Variants in ZIM2 observed in about 807,000 individuals in gnomAD.
The protein encoded by ZIM2 is zinc finger imprinted 2.
A neutral mutation model predicts 38.6 loss-of-function variants in ZIM2; 14 were observed. The ratio of observed to expected loss-of-function variants is 0.36; its 90% CI spans 0.24 to 0.57. The LOEUF (loss-of-function observed/expected upper bound fraction) is 0.57. Among genes scored for constraint, ZIM2 ranks in the 20% least tolerant of loss-of-function variants. The probability of loss-of-function intolerance (pLI) is 0.81; values close to 1 mark genes in which losing one functional copy is unlikely to be tolerated. For synonymous variants in ZIM2, 247 were observed against 245.8 expected, an observed-to-expected ratio of 1.00 and a Z score of -0.04; for missense variants, 680 against 695.1, an observed-to-expected ratio of 0.98 and a Z score of 0.24.
At position 56,814,106 on chromosome 19, in the gene ZIM2, G is replaced by A. The variant is rs1568614466; in HGVS notation, c.490+3640C>T. The A allele has an allele frequency of 6.2e-7, 1 of 1,613,896 alleles. No homozygotes were observed. Among genetic ancestry groups the A allele is most frequent in the Non-Finnish European group, 8.5e-7 (1 of 1,180,004 alleles). ...TCTGGCTCATCAGCATCCCCATTTG[G>A]CTGCTCGGCCTCTCCATTTGGCTGT... On this transcript the variant is annotated intron_variant, in intron 9 of 12. Coordinates refer to ENST00000629319, the MANE Select transcript of ZIM2 (RefSeq NM_001387356.1). The surrounding 1 kb of genome is among the most constrained non-coding windows in gnomAD (Gnocchi z 5.8).
chr19:56,787,496 G>A (rs2046673473), intron 10 of ZIM2, among the ~76,000 whole-genome samples: 1 of 151,954 alleles, frequency 6.6e-6, no homozygotes, highest in Non-Finnish European at 1.5e-5. Context: ...GGCTGGTCTC[G>A]AACTCCTGAC....
chr19:56,775,269 G>A lies in ZIM2; in HGVS notation c.1096C>T (p.Arg366Ter), dbSNP rs1416042403. Reference sequence around the variant, plus strand: ...AGGGCTACTTGCGTACTAAAGGTTCGTTTGCAAAATTCACATCTGTTGTGT... The same window carrying A: ...AGGGCTACTTGCGTACTAAAGGTTCATTTGCAAAATTCACATCTGTTGTGT... ...NKHNRCEFCK[R>*]TFSTQVALRR... Residue 366 changes from arginine (R) to a stop codon, truncating the protein, a stop_gained, in exon 13 of 13, where the codon CGA becomes TGA. Transcript: ENST00000629319. LOFTEE classifies it low-confidence loss of function (END_TRUNC). 13 of 1,614,016 alleles carry A rather than the reference G, an allele frequency of 8.1e-6. No homozygotes were observed. Among genetic ancestry groups the A allele is most frequent in the East Asian group, 2.2e-5 (1 of 44,894 alleles).
intron 9 of ZIM2, chr19:56,816,560 C>A: frequency 6.2e-7 from 1 of 1,614,012 alleles, no homozygotes. Context: ...ACCTTACATT[C>A]GTACATTTTC....
chr19:56,797,640 C>T (rs924155180), intron 9 of ZIM2, among the ~76,000 whole-genome samples: 3 of 152,168 alleles, frequency 2.0e-5, no homozygotes, highest in Admixed American at 2.0e-4. Flanking sequence ...TCTCCTCCTT[C>T]TTCCCCTCCT....
chr19:56,817,143 G>T, intron 9 of ZIM2: 1 of 1,614,138 alleles, frequency 6.2e-7, no homozygotes, highest in Admixed American at 1.7e-5. Context: ...GGGAGCTGAG[G>T]CTGCTCAGGC....
At chr19:56,822,865 A>C in intron 5 of ZIM2, 29 bp from the exon 6 acceptor site, 1 of 1,605,832 alleles carries the variant, frequency 6.2e-7, no homozygotes, top group Non-Finnish European at 8.5e-7. Flanking sequence ...CCAGTGGTTA[A>C]CAAAGCTCTT....
chr19:56,803,555 C>T (rs912437532), intron 9 of ZIM2, among the ~76,000 whole-genome samples: 2 of 152,116 alleles, frequency 1.3e-5, no homozygotes, highest in East Asian at 1.9e-4. Flanking sequence ...ATTCCAGGCA[C>T]GTGTATTCCA....
intron 8 of ZIM2, among the ~76,000 whole-genome samples, chr19:56,818,212 G>C (rs956924003): frequency 6.6e-6 from 1 of 152,134 alleles, no homozygotes; most frequent in Admixed American, 6.5e-5. Context: ...TGGCCTTACA[G>C]ACCTGCAGCA....
chr19:56,786,621 C>T (rs150536253), intron 10 of ZIM2, among the ~76,000 whole-genome samples: 43 of 152,162 alleles, frequency 2.8e-4, no homozygotes, highest in Middle Eastern at 3.4e-3. Context: ...TCTCAAATCC[C>T]CAAATCCAAA....
chr19:56,814,076 C>A lies in ZIM2; in HGVS notation c.490+3670G>T. ...CTTTCTTCTGGGTCTTCAATACCTG[C>A]ACCATCTGGCTCATCAGCATCCCCA... On this transcript the variant is annotated intron_variant, in intron 9 of 12. Coordinates refer to ENST00000629319, the MANE Select transcript of ZIM2 (RefSeq NM_001387356.1). The surrounding 1 kb of genome is among the most constrained non-coding windows in gnomAD (Gnocchi z 5.8). 1 of 1,614,188 alleles carries A rather than the reference C, an allele frequency of 6.2e-7. No individual in the cohort carries two copies. Among genetic ancestry groups the A allele is most frequent in the Non-Finnish European group, 8.5e-7 (1 of 1,180,042 alleles).
chr19:56,821,453 T>A (rs538356522), intron 7 of ZIM2, among the ~76,000 whole-genome samples, 198 bp downstream of exon 7: 2 of 152,278 alleles, frequency 1.3e-5, no homozygotes, highest in African/African-American at 4.8e-5. Context: ...TCTGACCACA[T>A]GAACGACAAA....
intron 7 of ZIM2, among the ~76,000 whole-genome samples, chr19:56,819,762 G>A (rs1434740133): frequency 6.6e-6 from 1 of 152,128 alleles, no homozygotes; most frequent in Non-Finnish European, 1.5e-5. Flanking sequence ...TAAATATTAA[G>A]AAAATTATGT....
Position 56,814,351 on chromosome 19 carries a change from G to GCTGCTTCATCTTCTT in ZIM2, c.490+3380_490+3394dup. The GCTGCTTCATCTTCTT allele has an allele frequency of 6.2e-7, 1 of 1,613,672 alleles. No homozygotes were observed. The highest frequency in any genetic ancestry group is 8.5e-7 in the Non-Finnish European group (1 of 1,179,616). The stretch of plus-strand genomic sequence containing the variant: ...CTGGGCTGCTGCTGCTGCAGCTGCT[G>GCTGCTTCATCTTCTT]CTGCTTCATCTTCTTCTTCTTCTTC... On this transcript the variant is annotated intron_variant, in intron 9 of 12. Transcript: ENST00000629319. The surrounding 1 kb of genome is among the most constrained non-coding windows in gnomAD (Gnocchi z 5.8).
intron 7 of ZIM2, among the ~76,000 whole-genome samples, chr19:56,820,456 C>T (rs542521499): frequency 7.2e-5 from 11 of 152,298 alleles, no homozygotes; most frequent in African/African-American, 2.4e-4. Flanking sequence ...CAAGACAAAG[C>T]CCAACTACCA....
intron 9 of ZIM2, chr19:56,813,576 A>T (rs2059689462): frequency 6.8e-7 from 1 of 1,474,680 alleles, no homozygotes; most frequent in African/African-American, 1.4e-5. Context: ...CACTAAGGTT[A>T]AGTCTCCTAC....
intron 10 of ZIM2, among the ~76,000 whole-genome samples, chr19:56,787,124 C>G (rs755579411): frequency 6.6e-6 from 1 of 152,222 alleles, no homozygotes; most frequent in Non-Finnish European, 1.5e-5. Flanking sequence ...GTATGAGCCA[C>G]TGCACCCGGT....
Position 56,775,221 on chromosome 19 carries a change from T to C in ZIM2, c.1144A>G (p.Thr382Ala). 4 of 1,614,174 alleles carry C rather than the reference T, an allele frequency of 2.5e-6. No individual in the cohort carries two copies. The highest frequency in any genetic ancestry group is 1.7e-6 in the Non-Finnish European group (2 of 1,180,038). The change falls in exon 13 of 13, where the codon ACT (threonine) becomes GCT (alanine). Residue 382 changes from threonine to alanine, a missense_variant. Thr to Ala is a moderately conservative substitution (Grantham distance 58). Transcript: ENST00000629319. ...TTACATTCATAGGGTTTCTTCCCAG[T>C]ATGGATCCGTTCGTGTCTCCTAAGG... ...VALRRHERIH[T>A]GKKPYECKQC... is the part of the protein sequence containing the mutation.
chr19:56,812,354 A>G (rs1204617331), intron 9 of ZIM2: 1 of 983,930 alleles, frequency 1.0e-6, no homozygotes, highest in African/African-American at 1.7e-5. Context: ...AACAGATGTT[A>G]ACAAAACAAA....
At position 56,814,500 on chromosome 19, in the gene ZIM2, G is replaced by A; in HGVS notation, c.490+3246C>T. Reference sequence around the variant, plus strand: ...CAGTAAGAAATGAGGTGTGAGTATAGGAGGACCCGTACTCATAGGGCTCAT... The same window carrying A: ...CAGTAAGAAATGAGGTGTGAGTATAAGAGGACCCGTACTCATAGGGCTCAT... On this transcript the variant is annotated intron_variant, in intron 9 of 12. Transcript: ENST00000629319. The surrounding 1 kb of genome is among the most constrained non-coding windows in gnomAD (Gnocchi z 5.8). 6.2e-7 allele frequency: 1 copy of A among 1,613,970 alleles called. No homozygotes were observed. Among genetic ancestry groups the A allele is most frequent in the Non-Finnish European group, 8.5e-7 (1 of 1,179,888 alleles).
Sources: allele counts gnomAD v4.1 joint callset (sites outside exome capture counted in the v4.1 genomes callset), GRCh38; gene constraint gnomAD v4.1.1; non-coding constraint Gnocchi (gnomAD v3.1); transcripts MANE v1.5; gene names NCBI Gene and HGNC (gene_info 2026-07-23, HGNC 2026-07-21).